GRIK2: variants seen among roughly 807,000 people sequenced by gnomAD.
The protein encoded by GRIK2 is glutamate ionotropic receptor kainate type subunit 2.
GRIK2 carries 32 observed loss-of-function variants against 100.3 expected under a neutral mutation model. The ratio of observed to expected loss-of-function variants is 0.32; its 90% CI spans 0.24 to 0.43. GRIK2 has a LOEUF of 0.43. Ranked by LOEUF, GRIK2 falls within the 20% of genes least tolerant of loss-of-function variation. GRIK2 has a pLI of 1.00. For synonymous variants in GRIK2, 417 were observed against 389.4 expected (o/e 1.07, Z -0.83); for missense variants, 843 against 1,114.9 (o/e 0.76, Z 3.47).
At chr6:101,845,543 T>G (rs1163887255) in intron 10 of GRIK2, among the ~76,000 whole-genome samples, 9 of 152,224 alleles carry the variant, frequency 5.9e-5, no homozygotes, top group Non-Finnish European at 1.3e-4. Flanking sequence ...ATTCATCATT[T>G]AGTTTATCTG....
intron 7 of GRIK2, among the ~76,000 whole-genome samples, chr6:101,796,994 A>AT (rs2128411977): frequency 6.6e-6 from 1 of 152,288 alleles, no homozygotes; most frequent in African/African-American, 2.4e-5. Flanking sequence ...TTAATTAGGC[A>AT]AAATTATTTT....
chr6:101,694,881 C>G (rs1409828066), intron 7 of GRIK2, among the ~76,000 whole-genome samples: 1 of 151,062 alleles, frequency 6.6e-6, no homozygotes, highest in South Asian at 2.1e-4. Context: ...AATTTAAAAC[C>G]AATGCCATAT....
intron 2 of GRIK2, among the ~76,000 whole-genome samples, chr6:101,507,359 T>G (rs1310489526): frequency 6.6e-6 from 1 of 152,142 alleles, no homozygotes; most frequent in African/African-American, 2.4e-5. Flanking sequence ...ATTTGTTGTA[T>G]GTATGCTTAA....
At chr6:101,789,623 T>G (rs1035873627) in intron 7 of GRIK2, among the ~76,000 whole-genome samples, 2 of 152,184 alleles carry the variant, frequency 1.3e-5, no homozygotes, top group Non-Finnish European at 2.9e-5. Flanking sequence ...GTAGTATAGT[T>G]TGAAGTCAGG....
At chr6:101,602,560 T>G (rs566275404) in intron 2 of GRIK2, among the ~76,000 whole-genome samples, 52 of 151,610 alleles carry the variant, frequency 3.4e-4, no homozygotes, top group African/African-American at 1.2e-3. Context: ...TGATTAGTTT[T>G]TTTTTAAAGA....
chr6:102,046,060 GT>G (rs1163799123), intron 15 of GRIK2, among the ~76,000 whole-genome samples: 1 of 152,004 alleles, frequency 6.6e-6, no homozygotes, highest in African/African-American at 2.4e-5. Context: ...TATACTTAGA[GT>G]TCAAGTGAAA....
intron 2 of GRIK2, among the ~76,000 whole-genome samples, chr6:101,534,373 T>G (rs1343635115): frequency 6.6e-6 from 1 of 151,904 alleles, no homozygotes; most frequent in Admixed American, 6.6e-5. Flanking sequence ...GTAAATAACT[T>G]TTTAAGTTAT....
At chr6:102,031,138 G>A (rs1355958038) in intron 14 of GRIK2, among the ~76,000 whole-genome samples, 1 of 141,196 alleles carries the variant, frequency 7.1e-6, no homozygotes, top group Non-Finnish European at 1.6e-5. Flanking sequence ...CCCCCTTTGA[G>A]TTTCTGGATG....
At chr6:101,739,712 T>G (rs967408156) in intron 7 of GRIK2, among the ~76,000 whole-genome samples, 2 of 152,194 alleles carry the variant, frequency 1.3e-5, no homozygotes, top group African/African-American at 4.8e-5. Context: ...GAGCCACAAT[T>G]GTGACTGTTT....
chr6:101,700,135 G>A (rs2128351886), intron 7 of GRIK2, among the ~76,000 whole-genome samples: 1 of 150,828 alleles, frequency 6.6e-6, no homozygotes, highest in East Asian at 1.9e-4. Flanking sequence ...CAGTGACAGA[G>A]AGAGACTCTG....
At chr6:101,811,070 T>C (rs1459338864) in intron 9 of GRIK2, among the ~76,000 whole-genome samples, 1 of 152,094 alleles carries the variant, frequency 6.6e-6, no homozygotes, top group East Asian at 1.9e-4. Context: ...GGGTGCCAAC[T>C]TTTTTCCAAG....
intron 9 of GRIK2, among the ~76,000 whole-genome samples, chr6:101,816,615 C>T (rs1386308716): frequency 2.0e-5 from 3 of 152,184 alleles, no homozygotes; most frequent in East Asian, 3.9e-4. Flanking sequence ...TGCTTGAACC[C>T]GGGAGGCAGA....
chr6:102,054,809 C>G (rs1771386536), intron 15 of GRIK2, among the ~76,000 whole-genome samples: 1 of 152,108 alleles, frequency 6.6e-6, no homozygotes, highest in Non-Finnish European at 1.5e-5. Flanking sequence ...ATGCACATCA[C>G]ATAACAGATA....
chr6:101,922,931 A>C (rs900190638), intron 12 of GRIK2, among the ~76,000 whole-genome samples: 1 of 152,212 alleles, frequency 6.6e-6, no homozygotes, highest in Non-Finnish European at 1.5e-5. Flanking sequence ...TGAAAGTAAT[A>C]AGGGAATTTA....
intron 15 of GRIK2, among the ~76,000 whole-genome samples, chr6:102,037,596 T>G (rs1427521110): frequency 6.7e-6 from 1 of 149,588 alleles, no homozygotes; most frequent in Non-Finnish European, 1.5e-5. Flanking sequence ...TCCAATATTA[T>G]GTACAAATTC....
intron 7 of GRIK2, among the ~76,000 whole-genome samples, chr6:101,785,355 C>T (rs1477456543): frequency 1.3e-5 from 2 of 151,976 alleles, no homozygotes; most frequent in South Asian, 2.1e-4. Flanking sequence ...TTGTTAATTG[C>T]CTATGCTTTT....
intron 9 of GRIK2, 32 bp from the exon 10 acceptor site, chr6:101,818,338 A>G (rs1781758865): frequency 8.1e-7 from 1 of 1,227,518 alleles, no homozygotes; most frequent in South Asian, 1.2e-5. Context: ...TGCCTGATGG[A>G]CAATTTACAA....
In GRIK2 at chr6:102,025,781, C is replaced by G. The variant is rs534646971; in HGVS notation, c.2086-9560C>G. On this transcript the variant is annotated intron_variant, in intron 14 of 16. Coordinates refer to ENST00000369134, the MANE Select transcript of GRIK2 (RefSeq NM_021956.5). ...TGTTTTTGGTAAATCTACGCACACA[C>G]AGTGCGTGGCATGGTTATTTATACC... is the stretch of plus-strand genomic sequence containing the variant. Among the ~76,000 whole-genome samples the G allele has an allele frequency of 1.5e-4, 22 of 151,280 alleles. 1 individual carries two copies. In the South Asian group the frequency reaches 3.5e-3, roughly 24 times the overall value.
intron 4 of GRIK2, among the ~76,000 whole-genome samples, chr6:101,629,686 G>A (rs1780627558): frequency 6.6e-6 from 1 of 151,882 alleles, no homozygotes; most frequent in Admixed American, 6.6e-5. Context: ...TTGTCTTTTT[G>A]TTTATGTGTC....
Sources: allele counts gnomAD v4.1 joint callset (sites outside exome capture counted in the v4.1 genomes callset), GRCh38; gene constraint gnomAD v4.1.1; transcripts MANE v1.5; gene names NCBI Gene and HGNC (gene_info 2026-07-23, HGNC 2026-07-21).